The following KCNH5 variants were observed in gnomAD, a reference collection of about 807,000 sequenced individuals.
The protein encoded by KCNH5 is voltage-gated delayed rectifier potassium channel KCNH5.
In KCNH5, 46 loss-of-function variants were observed where a neutral mutation model predicts 96.1. That is an observed-to-expected ratio of 0.48 (90% CI 0.38 to 0.61). The LOEUF is 0.61. Ranked by LOEUF, KCNH5 falls within the 20% of genes least tolerant of loss-of-function variation. The probability of loss-of-function intolerance (pLI) is 0.00; values close to 1 mark genes in which losing one functional copy is unlikely to be tolerated. For synonymous variants in KCNH5, 439 were observed against 449.8 expected (o/e 0.98, Z 0.30); for missense variants, 907 against 1,225.8 (o/e 0.74, Z 3.88).
chr14:62,795,566 G>A (rs1325851547), intron 9 of KCNH5, among the ~76,000 whole-genome samples: 1 of 152,076 alleles, frequency 6.6e-6, no homozygotes, highest in Non-Finnish European at 1.5e-5. Flanking sequence ...TTTTACGTAA[G>A]GGACTTCAGC....
At chr14:63,027,471 G>T (rs1891544879) in intron 1 of KCNH5, among the ~76,000 whole-genome samples, 1 of 138,414 alleles carries the variant, frequency 7.2e-6, no homozygotes, top group African/African-American at 2.8e-5. Context: ...AAAACTTCAA[G>T]TTGGTTTGAA....
intron 6 of KCNH5, among the ~76,000 whole-genome samples, chr14:62,955,021 C>T (rs1196891235): frequency 6.6e-6 from 1 of 151,756 alleles, no homozygotes; most frequent in Non-Finnish European, 1.5e-5. Flanking sequence ...GGGGAAACAG[C>T]CAAACCATAT....
intron 7 of KCNH5, among the ~76,000 whole-genome samples, chr14:62,877,827 C>A (rs1888407320): frequency 1.3e-5 from 2 of 151,796 alleles, no homozygotes; most frequent in South Asian, 4.2e-4. Flanking sequence ...CCATTTGATC[C>A]AGCCATCCCA....
chr14:62,943,457 G>T (rs1342645517), intron 7 of KCNH5, among the ~76,000 whole-genome samples: 3 of 152,066 alleles, frequency 2.0e-5, no homozygotes, highest in Non-Finnish European at 4.4e-5. Flanking sequence ...AATATTATTA[G>T]GGGCTCAATA....
chr14:63,026,149 C>T (rs1052208483), intron 1 of KCNH5, among the ~76,000 whole-genome samples: 1 of 151,998 alleles, frequency 6.6e-6, no homozygotes, highest in Non-Finnish European at 1.5e-5. Flanking sequence ...GTTGGGAAAA[C>T]TGGATATCCC....
At chr14:62,907,916 T>C (rs1431225550) in intron 7 of KCNH5, among the ~76,000 whole-genome samples, 1 of 152,206 alleles carries the variant, frequency 6.6e-6, no homozygotes, top group African/African-American at 2.4e-5. Context: ...ATGAGGGCAT[T>C]GTGCAAGATG....
chr14:62,770,855 G>T (rs1481759188), intron 10 of KCNH5, among the ~76,000 whole-genome samples: 1 of 152,114 alleles, frequency 6.6e-6, no homozygotes, highest in Non-Finnish European at 1.5e-5. Flanking sequence ...TATAAAACTT[G>T]GTTGTTACAG....
intron 10 of KCNH5, among the ~76,000 whole-genome samples, chr14:62,729,131 C>T (rs1454756242): frequency 6.6e-6 from 1 of 152,162 alleles, no homozygotes; most frequent in African/African-American, 2.4e-5. Context: ...TATGCTAGTC[C>T]TTGGTCAGTG....
At chr14:62,907,887 T>C (rs1319271909) in intron 7 of KCNH5, among the ~76,000 whole-genome samples, 1 of 152,184 alleles carries the variant, frequency 6.6e-6, no homozygotes, top group Non-Finnish European at 1.5e-5. Context: ...ATAGTCGATG[T>C]TCTCCTGCTG....
intron 7 of KCNH5, among the ~76,000 whole-genome samples, chr14:62,873,510 C>T (rs1427787293): frequency 1.3e-5 from 2 of 152,072 alleles, no homozygotes; most frequent in East Asian, 1.9e-4. Context: ...CACTTGAGCA[C>T]TGAATAAAAA....
At chr14:63,026,239 C>G (rs61100388) in intron 1 of KCNH5, among the ~76,000 whole-genome samples, 1 of 151,884 alleles carries the variant, frequency 6.6e-6, no homozygotes, top group African/African-American at 2.4e-5. Context: ...ACTTCAACAT[C>G]AAACCTGAAA....
intron 7 of KCNH5, among the ~76,000 whole-genome samples, chr14:62,930,584 A>G (rs1043512614): frequency 6.6e-6 from 1 of 152,182 alleles, no homozygotes; most frequent in Admixed American, 6.6e-5. Flanking sequence ...GCCTCAGGCA[A>G]GTATGCCACT....
At chr14:62,934,000 C>G (rs1303579570) in intron 7 of KCNH5, among the ~76,000 whole-genome samples, 1 of 152,160 alleles carries the variant, frequency 6.6e-6, no homozygotes, top group Non-Finnish European at 1.5e-5. Context: ...AAACTTCTCT[C>G]TAATGACTGA....
At chr14:62,988,385 A>T (rs990040365) in intron 4 of KCNH5, among the ~76,000 whole-genome samples, 1 of 152,132 alleles carries the variant, frequency 6.6e-6, no homozygotes, top group Non-Finnish European at 1.5e-5. Flanking sequence ...ATGACAAAAA[A>T]AAAATTAAGG....
intron 1 of KCNH5, among the ~76,000 whole-genome samples, chr14:63,038,174 G>T (rs1891757303): frequency 6.6e-6 from 1 of 152,150 alleles, no homozygotes; most frequent in Admixed American, 6.5e-5. Flanking sequence ...TCACTTAATA[G>T]ATTTAATCAG....
intron 7 of KCNH5, among the ~76,000 whole-genome samples, chr14:62,876,785 A>G (rs1203966613): frequency 6.6e-6 from 1 of 152,222 alleles, no homozygotes; most frequent in Non-Finnish European, 1.5e-5. Context: ...CTGTTTGGTC[A>G]ATTGATTTTG....
Position 62,781,542 on chromosome 14 carries a change from C to T in KCNH5, c.1823-1618G>A, listed in dbSNP as rs1382172548. On this transcript the variant is annotated intron_variant, in intron 9 of 10. Coordinates refer to ENST00000322893, the MANE Select transcript of KCNH5 (RefSeq NM_139318.5). ...GACCGTAAGAGACGGCCACGCCCGG[C>T]GGGGGGTGGGGGGCAGTTTAGAGAC... 5.3e-5 allele frequency among the ~76,000 whole-genome samples: 8 copies of T among 152,094 alleles called. 1 individual carries two copies. The highest frequency in any genetic ancestry group is 4.1e-4 in the South Asian group (2 of 4,830).
At chr14:62,936,039 G>A (rs1889673858) in intron 7 of KCNH5, among the ~76,000 whole-genome samples, 1 of 152,120 alleles carries the variant, frequency 6.6e-6, no homozygotes, top group Non-Finnish European at 1.5e-5. Flanking sequence ...AGAGGTCAGG[G>A]GAGAGCCAGA....
chr14:62,798,729 C>G (rs754830326), intron 9 of KCNH5, among the ~76,000 whole-genome samples: 16 of 152,144 alleles, frequency 1.1e-4, no homozygotes, highest in Non-Finnish European at 2.2e-4. Flanking sequence ...TTTTATCTTT[C>G]CATTAATTAG....
Sources: allele counts gnomAD v4.1 joint callset (sites outside exome capture counted in the v4.1 genomes callset), GRCh38; gene constraint gnomAD v4.1.1; transcripts MANE v1.5; gene names NCBI Gene and HGNC (gene_info 2026-07-23, HGNC 2026-07-21).